Variants in DACH2 observed in about 807,000 individuals in gnomAD.
DACH2 encodes the protein dachshund homolog 2.
Under a neutral mutation model 35.8 loss-of-function variants are expected in DACH2, and 17 were observed. That is an observed-to-expected ratio of 0.48 (90% CI 0.33 to 0.71). The LOEUF is 0.71. Among genes scored for constraint, DACH2 ranks in the 30% least tolerant of loss-of-function variants. The pLI, the probability that DACH2 is intolerant of heterozygous loss-of-function variation, is 0.02. For synonymous variants in DACH2, 195 were observed against 177.3 expected (o/e 1.10, Z -0.79); for missense variants, 469 against 472.7 (o/e 0.99, Z 0.07).
chrX:86,619,384 C>A (rs188928363), intron 3 of DACH2, among the ~76,000 whole-genome samples: 1 of 111,637 alleles, frequency 9.0e-6, no homozygotes, highest in African/African-American at 3.2e-5. Flanking sequence ...ATTCCTGAAG[C>A]CAGAAAAAAC....
At chrX:86,376,971 G>A in intron 2 of DACH2, 109 bp downstream of exon 2, 1 of 325,671 alleles carries the variant, frequency 3.1e-6, no homozygotes, top group Non-Finnish European at 5.5e-6. Flanking sequence ...ACTCACTAAG[G>A]TAGGAAAGTA....
At chrX:86,775,592 T>C (rs980788774) in intron 7 of DACH2, among the ~76,000 whole-genome samples, 2 of 111,221 alleles carry the variant, frequency 1.8e-5, no homozygotes, top group Admixed American at 9.6e-5. Flanking sequence ...GCCAAAAAGG[T>C]TGGGGACTGC....
At chrX:86,824,643 C>T (rs1027899178) in intron 11 of DACH2, among the ~76,000 whole-genome samples, 12 of 112,111 alleles carry the variant, frequency 1.1e-4, no homozygotes, top group African/African-American at 1.6e-4. Context: ...TCCTCTGCCA[C>T]GGCTCCAGCC....
intron 2 of DACH2, among the ~76,000 whole-genome samples, chrX:86,458,093 G>A (rs1318528837): frequency 1.8e-5 from 2 of 111,472 alleles, no homozygotes; most frequent in African/African-American, 6.5e-5. Flanking sequence ...AAACATGAAG[G>A]CAAATTTTGC....
rs754498039 is a variant in DACH2 at position 86,596,135 on chromosome X, T to C, written c.641-54901T>C. Among the ~76,000 whole-genome samples, 21 of 112,300 alleles carry C rather than the reference T, an allele frequency of 1.9e-4. No homozygotes were observed. In the South Asian group the frequency reaches 5.8e-3, roughly 31 times the overall value. ...TGAATAATATTCCGTTATACAGATATATTACAATTTTTTAATCCATTTATC... is the reference window on the plus strand; with the variant it reads ...TGAATAATATTCCGTTATACAGATACATTACAATTTTTTAATCCATTTATC... On this transcript the variant is annotated intron_variant, in intron 3 of 11. Transcript: ENST00000373125.
At chrX:86,523,648 G>A (rs1403940620) in intron 3 of DACH2, among the ~76,000 whole-genome samples, 1 of 110,544 alleles carries the variant, frequency 9.0e-6, no homozygotes, top group Non-Finnish European at 1.9e-5. Flanking sequence ...ATTGGTTGAG[G>A]AATGAAATCA....
Position 86,714,711 on chromosome X carries a change from T to C in DACH2, c.1095T>C (p.Ser365=). The C allele has an allele frequency of 2.6e-6, 3 of 1,172,778 alleles. No homozygotes were observed. Among genetic ancestry groups the C allele is most frequent in the Non-Finnish European group, 3.4e-6 (3 of 870,304 alleles). ...GTCCACTCTCCAGAGCTGGTACCTC[T>C]GTTATAAAGGTAAGAATCGTGATTT... ...IHSPLSRAGT[S]VIKERIPESP... Residue 365 remains serine, a synonymous_variant, in exon 6 of 12, where the codon TCT becomes TCC. Coordinates refer to ENST00000373125, the MANE Select transcript of DACH2 (RefSeq NM_053281.3).
intron 3 of DACH2, among the ~76,000 whole-genome samples, chrX:86,620,466 T>C (rs1034616865): frequency 9.0e-6 from 1 of 111,294 alleles, no homozygotes; most frequent in Admixed American, 9.6e-5. Flanking sequence ...CTGACACTCA[T>C]GAAGAAAAGC....
At chrX:86,205,931 T>C (rs1446957983) in intron 1 of DACH2, among the ~76,000 whole-genome samples, 5 of 111,356 alleles carry the variant, frequency 4.5e-5, no homozygotes, top group Non-Finnish European at 9.4e-5. Flanking sequence ...TACTGCCTAC[T>C]CCAAATCAAT....
intron 3 of DACH2, among the ~76,000 whole-genome samples, chrX:86,554,652 T>A (rs938682326): frequency 1.8e-5 from 2 of 111,751 alleles, no homozygotes; most frequent in African/African-American, 6.5e-5. Context: ...TATGATGCCA[T>A]AGAATGAGAT....
chrX:86,374,312 T>C (rs1229419624), intron 1 of DACH2, among the ~76,000 whole-genome samples: 1 of 111,292 alleles, frequency 9.0e-6, no homozygotes, highest in Non-Finnish European at 1.9e-5. Context: ...AGGGTAAAAA[T>C]GACCTTGACT....
intron 1 of DACH2, among the ~76,000 whole-genome samples, chrX:86,373,136 C>G (rs932317443): frequency 1.8e-5 from 2 of 110,727 alleles, no homozygotes; most frequent in African/African-American, 6.6e-5. Flanking sequence ...GATGAACATA[C>G]AAGTTCATGT....
intron 6 of DACH2, among the ~76,000 whole-genome samples, chrX:86,735,403 T>G (rs2041584386): frequency 8.9e-6 from 1 of 112,017 alleles, no homozygotes; most frequent in Non-Finnish European, 1.9e-5. Flanking sequence ...TGTCCCATTC[T>G]TTATGAAGGT....
chrX:86,335,967 G>A (rs1201958482), intron 1 of DACH2, among the ~76,000 whole-genome samples: 2 of 111,962 alleles, frequency 1.8e-5, no homozygotes, highest in Non-Finnish European at 3.8e-5. Context: ...AAGGGCTGTT[G>A]AATTTTGTTG....
intron 2 of DACH2, among the ~76,000 whole-genome samples, chrX:86,507,857 G>A (rs1239994548): frequency 1.8e-5 from 2 of 111,654 alleles, no homozygotes; most frequent in Non-Finnish European, 3.8e-5. Flanking sequence ...CAAATAACTA[G>A]GGCATGAAGG....
At chrX:86,424,932 T>G (rs1350217724) in intron 2 of DACH2, among the ~76,000 whole-genome samples, 3 of 111,443 alleles carry the variant, frequency 2.7e-5, no homozygotes, top group African/African-American at 9.8e-5. Flanking sequence ...GTGGAAATGA[T>G]CATATGGTTT....
rs543324081 is a variant in DACH2, at chrX:86,181,431, C to T, written c.488+32323C>T. Among the ~76,000 whole-genome samples the T allele has an allele frequency of 7.1e-4, 79 of 110,920 alleles. 3 individuals carry two copies. The South Asian group carries it at 0.03, about 41-fold the overall frequency. The stretch of plus-strand genomic sequence containing the variant: ...ACTCCCATTTATGAGTGAAAACATG[C>T]GATGTTTGGTTTTCTGTTCCTGTGT... On this transcript the variant is annotated intron_variant, in intron 1 of 11. Coordinates refer to ENST00000373125, the MANE Select transcript of DACH2 (RefSeq NM_053281.3).
chrX:86,743,898 T>A lies in DACH2; in HGVS notation c.1240+4016T>A, dbSNP rs184164158. On this transcript the variant is annotated intron_variant, in intron 7 of 11. Coordinates refer to ENST00000373125, the MANE Select transcript of DACH2 (RefSeq NM_053281.3). ...CTTCATTTATAACCCAGCAACAATT[T>A]GTTCCTGAGACTTTTTTCCCACCAT... Among the ~76,000 whole-genome samples, 113 of 111,217 alleles carry A rather than the reference T, an allele frequency of 1.0e-3. 1 individual carries two copies. The highest frequency in any genetic ancestry group is 7.9e-3 in the South Asian group (21 of 2,675).
intron 1 of DACH2, among the ~76,000 whole-genome samples, chrX:86,178,254 A>G (rs911737772): frequency 3.6e-5 from 4 of 111,014 alleles, no homozygotes; most frequent in Admixed American, 1.9e-4. Context: ...CTCTATCAAG[A>G]CTTCTCTCAT....
Sources: gnomAD v4.1 joint callset for allele counts (sites outside exome capture counted in the v4.1 genomes callset) on GRCh38, gnomAD v4.1.1 for gene constraint, MANE v1.5 for transcripts, NCBI Gene and HGNC (gene_info 2026-07-23, HGNC 2026-07-21) for gene names.